TMEM63B: variants seen among roughly 807,000 people sequenced by gnomAD.
TMEM63B encodes the protein transmembrane protein 63B.
Under a neutral mutation model 102.6 loss-of-function variants are expected in TMEM63B, and 23 were observed. The ratio of observed to expected loss-of-function variants is 0.22; its 90% CI spans 0.16 to 0.32. TMEM63B has a LOEUF of 0.32. Ranked by LOEUF, TMEM63B falls within the 10% of genes least tolerant of loss-of-function variation. TMEM63B has a pLI of 1.00. For missense variants in TMEM63B, 628 were observed against 1,095.9 expected (o/e 0.57, Z 6.03); for synonymous variants, 444 against 437.0 (o/e 1.02, Z -0.20).
In TMEM63B at chr6:44,134,932, G is replaced by T. The variant is rs1405881282; in HGVS notation, c.160-85G>T. On this transcript the variant is annotated intron_variant, in intron 2 of 23. Coordinates refer to ENST00000323267, the MANE Select transcript of TMEM63B (RefSeq NM_018426.3). Reference sequence around the variant, plus strand: ...CCAGGGTCATCCCCTTCTAAGACAAGATTTTGGACCCTCTGCTTCTGCCCC... The same window carrying T: ...CCAGGGTCATCCCCTTCTAAGACAATATTTTGGACCCTCTGCTTCTGCCCC... 2.6e-6 allele frequency: 4 copies of T among 1,556,002 alleles called. No individual in the cohort carries two copies. The East Asian group carries it at 9.1e-5, about 35-fold the overall frequency.
intron 11 of TMEM63B, 25 bp downstream of exon 11, chr6:44,146,952 G>A: frequency 1.9e-6 from 3 of 1,612,068 alleles, no homozygotes; most frequent in Non-Finnish European, 2.5e-6. Flanking sequence ...GCAGAGGAGG[G>A]TGACACCAAG....
chr6:44,148,322 A>G lies in TMEM63B; in HGVS notation c.1058A>G (p.Lys353Arg). Residue 353 changes from lysine to arginine, a missense_variant, in exon 13 of 24, where the codon AAG becomes AGG. Physicochemically the swap from Lys to Arg is conservative, Grantham distance 26. Coordinates refer to ENST00000323267, the MANE Select transcript of TMEM63B (RefSeq NM_018426.3). The surrounding 1 kb of genome is among the most constrained non-coding windows in gnomAD (Gnocchi z 5.1). Reference sequence around the variant, plus strand: ...GAAGACTACAAGCGGGAGAAGGAGAAGGTGAATGAGAAGCCTCTTGGCATG... The same window carrying G: ...GAAGACTACAAGCGGGAGAAGGAGAGGGTGAATGAGAAGCCTCTTGGCATG... ...LKEDYKREKEKVNEKPLGMAF... is the reference protein window; with the variant it reads ...LKEDYKREKERVNEKPLGMAF... 6.2e-7 allele frequency: 1 copy of G among 1,614,240 alleles called. No homozygotes were observed. Among genetic ancestry groups the G allele is most frequent in the South Asian group, 1.1e-5 (1 of 91,092 alleles).
Position 44,153,714 on chromosome 6 carries a change from T to A in TMEM63B, c.1981T>A (p.Tyr661Asn), listed in dbSNP as rs1251293595. ...YMLLKHLVDR[Y>N]NLYYAYLPAK... ...GCTGCTGAAGCACCTGGTAGACAGG[T>A]ACAATCTCTACTACGCCTACCTGCC... Residue 661 changes from tyrosine to asparagine, a missense_variant, in exon 21 of 24, where the codon TAC becomes AAC. This residue lies in a region of TMEM63B where 90 missense variants were observed against 136.7 expected (regional missense o/e 0.66). Coordinates refer to ENST00000323267, the MANE Select transcript of TMEM63B (RefSeq NM_018426.3). 4.3e-6 allele frequency: 7 copies of A among 1,614,074 alleles called. No homozygotes were observed. The highest frequency in any genetic ancestry group is 5.9e-6 in the Non-Finnish European group (7 of 1,180,004).
chr6:44,148,606 C>T lies in TMEM63B; in HGVS notation c.1215C>T (p.Ser405=), dbSNP rs1310487117. Residue 405 remains serine, a synonymous_variant, in exon 14 of 24, where the codon TCC becomes TCT. Coordinates refer to ENST00000323267, the MANE Select transcript of TMEM63B (RefSeq NM_018426.3). The surrounding 1 kb of genome is among the most constrained non-coding windows in gnomAD (Gnocchi z 5.1). ...CCTGCAGCGAGTCCCTGCACATCTC[C>T]AACTGGACCGTGTCCTATGCCCCTG... ...PSSCSESLHI[S]NWTVSYAPDP... 2 of 1,614,250 alleles carry T rather than the reference C, an allele frequency of 1.2e-6. No individual in the cohort carries two copies. The highest frequency in any genetic ancestry group is 2.2e-5 in the South Asian group (2 of 91,092).
Position 44,152,072 on chromosome 6 carries a change from A to C in TMEM63B, c.1836+64A>C, listed in dbSNP as rs1381464001. The C allele has an allele frequency of 2.6e-6, 4 of 1,516,978 alleles. No homozygotes were observed. The highest frequency in any genetic ancestry group is 2.4e-5 in the Admixed American group (1 of 42,086). 94.0% of individuals were successfully genotyped at this position (1,516,978 alleles called of 1,614,324 possible). Reference sequence around the variant, plus strand: ...CCCTGGTGGCCCAACAAGAAACAGCAGCCATCGCGCTAGGGTTGAGGGGCA... The same window carrying C: ...CCCTGGTGGCCCAACAAGAAACAGCCGCCATCGCGCTAGGGTTGAGGGGCA... On this transcript the variant is annotated intron_variant, in intron 19 of 23. Transcript: ENST00000323267. The surrounding 1 kb of genome is among the most constrained non-coding windows in gnomAD (Gnocchi z 6.4).
rs1387099086 is a variant in TMEM63B at position 44,152,274 on chromosome 6, C to G, written c.1836+266C>G. 6.6e-6 allele frequency among the ~76,000 whole-genome samples: 1 copy of G among 151,996 alleles called. No homozygotes were observed. The highest frequency in any genetic ancestry group is 6.5e-5 in the Admixed American group (1 of 15,272). On this transcript the variant is annotated intron_variant, in intron 19 of 23. Transcript: ENST00000323267. This position sits in a 1 kb window ranked among gnomAD's most constrained non-coding sequence, Gnocchi z 6.4. ...GTTGGGGAGATCTGGGTCCCTAGCGCTAGGGTCCCTCTGTCTTAATAAGAG... is the reference window on the plus strand; with the variant it reads ...GTTGGGGAGATCTGGGTCCCTAGCGGTAGGGTCCCTCTGTCTTAATAAGAG...
intron 10 of TMEM63B, among the ~76,000 whole-genome samples, chr6:44,145,550 C>T (rs2128248671): frequency 6.6e-6 from 1 of 152,270 alleles, no homozygotes; most frequent in Non-Finnish European, 1.5e-5. Context: ...CCAGATCACA[C>T]CACTGCATTC....
chr6:44,150,393 C>T lies in TMEM63B; in HGVS notation c.1607+83C>T. ...GAGAGCAGTTCAGCCTCCCTACCTC[C>T]CCTACAAAGCAAGGGGCCCAAGATG... On this transcript the variant is annotated intron_variant, in intron 17 of 23. Transcript: ENST00000323267. The surrounding 1 kb of genome is among the most constrained non-coding windows in gnomAD (Gnocchi z 4.7). 1.3e-6 allele frequency: 2 copies of T among 1,494,518 alleles called. No individual in the cohort carries two copies. Among genetic ancestry groups the T allele is most frequent in the African/African-American group, 1.4e-5 (1 of 72,490 alleles). The allele number at this position is 1,494,518 out of a possible 1,614,324, so 92.6% of individuals were successfully genotyped here.
Position 44,148,001 on chromosome 6 carries a change from T to C in TMEM63B, c.988-251T>C, listed in dbSNP as rs1325667002. ...AGCCAGGCATGGTACTGCACACATG[T>C]ATTCCCAGCCACTTGGGAGGCTGAG... On this transcript the variant is annotated intron_variant, in intron 12 of 23. Transcript: ENST00000323267. The surrounding 1 kb of genome is among the most constrained non-coding windows in gnomAD (Gnocchi z 5.1). 2.0e-5 allele frequency among the ~76,000 whole-genome samples: 3 copies of C among 152,148 alleles called. No homozygotes were observed. The highest frequency in any genetic ancestry group is 2.0e-4 in the Admixed American group (3 of 15,280).
At chr6:44,135,304 A>C in intron 3 of TMEM63B, 24 bp from the exon 4 acceptor site, 2 of 1,610,498 alleles carry the variant, frequency 1.2e-6, no homozygotes, top group Non-Finnish European at 1.7e-6. Flanking sequence ...GCCCCTGCTA[A>C]CCCTGTCTGT....
rs1173269594 is a variant in TMEM63B at position 44,127,623 on chromosome 6, A to AGCCCC, written c.-69_-65dup. On this transcript the variant is annotated 5_prime_UTR_variant, in exon 1 of 24. Transcript: ENST00000323267. The stretch of plus-strand genomic sequence containing the variant: ...CAGCGACTCCCCCTCCCCCTCCCCC[A>AGCCCC]GCCCCGCCCCGCCCCAACCCGGGGC... The AGCCCC allele has an allele frequency of 6.7e-5, 6 of 89,278 alleles. No homozygotes were observed. Among genetic ancestry groups the AGCCCC allele is most frequent in the African/African-American group, 2.5e-4 (6 of 24,158 alleles). The allele number at this position is 89,278 out of a possible 1,614,324, so 5.5% of individuals were successfully genotyped here.
Position 44,151,884 on chromosome 6 carries a change from A to G in TMEM63B, c.1712A>G (p.Asn571Ser). ...FLPDNGAFFVNYVIASAFIGN... is the reference protein window; with the variant it reads ...FLPDNGAFFVSYVIASAFIGN... ...CCCGACAACGGCGCCTTCTTCGTGA[A>G]CTACGTCATTGCCTCAGCCTTTATC... Residue 571 changes from asparagine (N) to serine (S), a missense_variant, in exon 19 of 24, where the codon AAC becomes AGC. This residue lies in a region of TMEM63B where 61 missense variants were observed against 176.0 expected (regional missense o/e 0.35). Transcript: ENST00000323267. 1 of 1,613,070 alleles carries G rather than the reference A, an allele frequency of 6.2e-7. No homozygotes were observed.
rs1420253910 is a variant in TMEM63B at position 44,150,817 on chromosome 6, G to A, written c.1673+188G>A. On this transcript the variant is annotated intron_variant, in intron 18 of 23. Coordinates refer to ENST00000323267, the MANE Select transcript of TMEM63B (RefSeq NM_018426.3). This position sits in a 1 kb window ranked among gnomAD's most constrained non-coding sequence, Gnocchi z 4.7. Reference sequence around the variant, plus strand: ...TCTTGGGTGTGTATACATGGTAGAAGTCCCTGGGGTCTGTGTTGGTGTTCA... The same window carrying A: ...TCTTGGGTGTGTATACATGGTAGAAATCCCTGGGGTCTGTGTTGGTGTTCA... Among the ~76,000 whole-genome samples, 1 of 152,224 alleles carries A rather than the reference G, an allele frequency of 6.6e-6. No homozygotes were observed. Among genetic ancestry groups the A allele is most frequent in the Non-Finnish European group, 1.5e-5 (1 of 68,042 alleles).
Position 44,150,623 on chromosome 6 carries a change from G to A in TMEM63B, c.1667G>A (p.Arg556Gln), listed in dbSNP as rs1030812628. 5.0e-6 allele frequency: 8 copies of A among 1,614,032 alleles called. No homozygotes were observed. Among genetic ancestry groups the A allele is most frequent in the Middle Eastern group, 1.7e-4 (1 of 6,054 alleles). Residue 556 changes from arginine to glutamine, a missense_variant, in exon 18 of 24, where the codon CGG becomes CAG. Transcript: ENST00000323267. This position sits in a 1 kb window ranked among gnomAD's most constrained non-coding sequence, Gnocchi z 4.7. The stretch of plus-strand genomic sequence containing the variant: ...AAATTCTTGGCTGAGGCAGCTATTC[G>A]GTTTGAGTGAGTGACTGGGGCCCCT... ...DKKFLAEAAI[R>Q]FECVFLPDNG...
At chr6:44,145,699 G>A (rs563926750) in intron 10 of TMEM63B, among the ~76,000 whole-genome samples, 4 of 152,324 alleles carry the variant, frequency 2.6e-5, no homozygotes, top group Admixed American at 6.5e-5. Flanking sequence ...ACTTTGGGAA[G>A]CTGAGGCAGG....
chr6:44,139,570 G>T lies in TMEM63B; in HGVS notation c.511G>T (p.Gly171Cys). Residue 171 changes from glycine (G) to cysteine (C), a missense_variant, in exon 7 of 24, where the codon GGC becomes TGC. Coordinates refer to ENST00000323267, the MANE Select transcript of TMEM63B (RefSeq NM_018426.3). ...GGTGGTTGTGGGCGTCCTCTCCGTA[G>T]GCATCGTGCTGCCTGTCAACTTCTC... The part of the protein sequence containing the change: ...LLVVVGVLSV[G>C]IVLPVNFSGD... The T allele has an allele frequency of 1.9e-6, 3 of 1,614,236 alleles. No homozygotes were observed. Among genetic ancestry groups the T allele is most frequent in the Non-Finnish European group, 2.5e-6 (3 of 1,180,046 alleles).
Position 44,143,740 on chromosome 6 carries a change from CTG to C in TMEM63B, c.782+2646_782+2647del, listed in dbSNP as rs377543381. 6.2e-4 allele frequency among the ~76,000 whole-genome samples: 95 copies of C among 152,112 alleles called. 1 individual carries two copies. The East Asian group carries it at 0.018, about 28-fold the overall frequency. The stretch of plus-strand genomic sequence containing the variant: ...GGACCGGATGAACTAGTAATAGAGA[CTG>C]TGTCAAGAAGAGGTAGGTGCTAAGA... On this transcript the variant is annotated intron_variant, in intron 10 of 23. Coordinates refer to ENST00000323267, the MANE Select transcript of TMEM63B (RefSeq NM_018426.3).
chr6:44,142,512 A>C (rs971880486), intron 10 of TMEM63B, among the ~76,000 whole-genome samples: 3 of 152,208 alleles, frequency 2.0e-5, no homozygotes, highest in Non-Finnish European at 4.4e-5. Context: ...CCTGAGCGGC[A>C]GAGCGAGACT....
chr6:44,152,765 T>C lies in TMEM63B; in HGVS notation c.1942+67T>C, dbSNP rs532902456. 1.5e-6 allele frequency: 2 copies of C among 1,356,108 alleles called. No homozygotes were observed. The highest frequency in any genetic ancestry group is 2.9e-5 in the African/African-American group (2 of 69,768). The allele number at this position is 1,356,108 out of a possible 1,614,324, so 84.0% of individuals were successfully genotyped here. A position where few individuals can be genotyped will look rare whatever the true frequency, so the allele number is the denominator to read the frequency against. ...ACCCAGGACTTCACCCTCTCCACTC[T>C]AGGAATGCAGGCCACCCCGAGTGGA... On this transcript the variant is annotated intron_variant, in intron 20 of 23. Coordinates refer to ENST00000323267, the MANE Select transcript of TMEM63B (RefSeq NM_018426.3). The surrounding 1 kb of genome is among the most constrained non-coding windows in gnomAD (Gnocchi z 6.4).
Sources: allele counts gnomAD v4.1 joint callset (sites outside exome capture counted in the v4.1 genomes callset), GRCh38; gene constraint gnomAD v4.1.1; regional missense constraint gnomAD v4.1.1; non-coding constraint Gnocchi (gnomAD v3.1); transcripts MANE v1.5; gene names NCBI Gene and HGNC (gene_info 2026-07-23, HGNC 2026-07-21).